Variants in BABAM2 observed in about 807,000 individuals in gnomAD.
BABAM2 encodes BRISC and BRCA1-A complex member 2.
Under a neutral mutation model 54.7 loss-of-function variants are expected in BABAM2, and 31 were observed. That is an observed-to-expected ratio of 0.57 (90% CI 0.43 to 0.77). The LOEUF is 0.77. Among genes scored for constraint, BABAM2 ranks in the 30% least tolerant of loss-of-function variants. The pLI, the probability that BABAM2 is intolerant of heterozygous loss-of-function variation, is 0.00. For synonymous variants in BABAM2, 167 were observed against 162.9 expected (o/e 1.03, Z -0.19); for missense variants, 364 against 455.8 (o/e 0.80, Z 1.83).
intron 11 of BABAM2, chr2:28,310,358 GA>G: frequency 1.9e-6 from 1 of 522,788 alleles, no homozygotes; most frequent in Non-Finnish European, 3.4e-6. Flanking sequence ...TCCCCTGGGG[GA>G]GGGGCAGCAG....
At chr2:28,084,922 G>A (rs1477143499) in intron 6 of BABAM2, among the ~76,000 whole-genome samples, 1 of 152,090 alleles carries the variant, frequency 6.6e-6, no homozygotes, top group Non-Finnish European at 1.5e-5. Flanking sequence ...GGCACTCCCA[G>A]CGTCATTTTA....
At chr2:28,173,245 C>T (rs1344936710) in intron 7 of BABAM2, among the ~76,000 whole-genome samples, 3 of 152,168 alleles carry the variant, frequency 2.0e-5, no homozygotes, top group Non-Finnish European at 4.4e-5. Flanking sequence ...TACAGGTTAC[C>T]ATTTACTTCT....
intron 7 of BABAM2, among the ~76,000 whole-genome samples, chr2:28,142,499 T>A (rs1180479287): frequency 6.6e-6 from 1 of 152,182 alleles, no homozygotes; most frequent in Non-Finnish European, 1.5e-5. Context: ...GACAACCTTT[T>A]TTTCCCTGCA....
chr2:27,939,159 G>C (rs981295383), intron 3 of BABAM2, among the ~76,000 whole-genome samples: 1 of 152,064 alleles, frequency 6.6e-6, no homozygotes, highest in African/African-American at 2.4e-5. Flanking sequence ...CACCATGTTG[G>C]CTAGGATGGT....
chr2:28,289,100 T>A (rs970788265), intron 10 of BABAM2, among the ~76,000 whole-genome samples: 3 of 151,778 alleles, frequency 2.0e-5, no homozygotes, highest in Non-Finnish European at 4.4e-5. Flanking sequence ...GTAAAACATA[T>A]CCACACACTT....
At chr2:28,005,287 A>G (rs986128735) in intron 4 of BABAM2, among the ~76,000 whole-genome samples, 1 of 152,178 alleles carries the variant, frequency 6.6e-6, no homozygotes, top group Admixed American at 6.5e-5. Context: ...TGTCATAGTG[A>G]TTGTCAACCT....
intron 2 of BABAM2, chr2:27,896,031 C>T (rs146622853): frequency 6.6e-6 from 1 of 151,886 alleles, no homozygotes; most frequent in African/African-American, 2.4e-5. Context: ...ATTTTTGAGT[C>T]CTTTCTTACT....
chr2:28,017,212 C>T (rs1674892804), intron 4 of BABAM2, among the ~76,000 whole-genome samples: 1 of 152,178 alleles, frequency 6.6e-6, no homozygotes, highest in African/African-American at 2.4e-5. Flanking sequence ...GGTGTAAACA[C>T]TTATTGCTGA....
At chr2:28,043,834 T>G (rs375422470) in intron 5 of BABAM2, among the ~76,000 whole-genome samples, 1 of 152,220 alleles carries the variant, frequency 6.6e-6, no homozygotes, top group East Asian at 1.9e-4. Context: ...AGATCCTTAG[T>G]GGCTCTTAAG....
intron 6 of BABAM2, among the ~76,000 whole-genome samples, chr2:28,104,116 C>G (rs1315578872): frequency 6.6e-6 from 1 of 152,152 alleles, no homozygotes; most frequent in Non-Finnish European, 1.5e-5. Context: ...CAATACCATT[C>G]AGGACATAGG....
At chr2:28,110,516 C>T (rs1487619295) in intron 6 of BABAM2, among the ~76,000 whole-genome samples, 2 of 151,706 alleles carry the variant, frequency 1.3e-5, no homozygotes, top group Admixed American at 6.6e-5. Context: ...CCCAGCTACT[C>T]GAGAGGCTGA....
chr2:28,288,075 C>T (rs1014116250), intron 10 of BABAM2, among the ~76,000 whole-genome samples: 1 of 152,114 alleles, frequency 6.6e-6, no homozygotes, highest in Admixed American at 6.5e-5. Context: ...TGCTTGGGAG[C>T]ACAGGTTGGA....
chr2:28,298,313 C>G, intron 10 of BABAM2, 25 bp from the exon 11 acceptor site: 1 of 1,606,038 alleles, frequency 6.2e-7, no homozygotes. Context: ...CTCTAACTTT[C>G]TTTTTCTTTC....
At chr2:28,136,199 C>T (rs1670520586) in intron 7 of BABAM2, among the ~76,000 whole-genome samples, 1 of 152,220 alleles carries the variant, frequency 6.6e-6, no homozygotes, top group Non-Finnish European at 1.5e-5. Flanking sequence ...ACCTCCCCCA[C>T]AGGGTCCGTT....
intron 7 of BABAM2, among the ~76,000 whole-genome samples, chr2:28,211,719 T>C (rs540801206): frequency 6.6e-6 from 1 of 152,144 alleles, no homozygotes. Context: ...CCTTTCTTTT[T>C]CTTTGGAAGG....
At chr2:28,289,028 C>T (rs1180596569) in intron 10 of BABAM2, among the ~76,000 whole-genome samples, 1 of 151,604 alleles carries the variant, frequency 6.6e-6, no homozygotes, top group Admixed American at 6.6e-5. Flanking sequence ...ACAAATGCCC[C>T]CATTTTCAAA....
chr2:27,964,890 A>G (rs905822229), intron 3 of BABAM2, among the ~76,000 whole-genome samples: 2 of 152,176 alleles, frequency 1.3e-5, no homozygotes, highest in Non-Finnish European at 2.9e-5. Flanking sequence ...TAGGAAACAG[A>G]TTTTCACTCT....
At position 27,894,355 on chromosome 2, in the gene BABAM2, C is replaced by T. The variant is rs567980434; in HGVS notation, c.-24-178C>T. On this transcript the variant is annotated intron_variant, in intron 1 of 11. Transcript: ENST00000379624. ...GTGATGTAGTCCCAGTCCTGAGTAG[C>T]TGAGCAGCAGTGAGGTGGTTTCTTC... Among the ~76,000 whole-genome samples the T allele has an allele frequency of 2.6e-5, 4 of 152,292 alleles. No homozygotes were observed. The East Asian group carries it at 7.7e-4, about 29-fold the overall frequency.
At chr2:28,123,892 G>A (rs1019104434) in intron 6 of BABAM2, among the ~76,000 whole-genome samples, 1 of 152,156 alleles carries the variant, frequency 6.6e-6, no homozygotes, top group African/African-American at 2.4e-5. Context: ...ATAAACTAGA[G>A]TCATTCCGTT....
Sources: allele counts gnomAD v4.1 joint callset (sites outside exome capture counted in the v4.1 genomes callset), GRCh38; gene constraint gnomAD v4.1.1; transcripts MANE v1.5; gene names NCBI Gene and HGNC (gene_info 2026-07-23, HGNC 2026-07-21).